TNKS1BP1: variants seen among roughly 807,000 people sequenced by gnomAD.
TNKS1BP1 encodes the protein CCR4-NOT transcription complex subunit 12.
TNKS1BP1 carries 48 observed loss-of-function variants against 141.1 expected under a neutral mutation model. The observed-to-expected ratio is 0.34, with a 90% CI of 0.27 to 0.43. The LOEUF (loss-of-function observed/expected upper bound fraction) is 0.43. Ranked by LOEUF, TNKS1BP1 falls within the 20% of genes least tolerant of loss-of-function variation. The pLI is 1.00. For synonymous variants in TNKS1BP1, 875 were observed against 898.2 expected, an observed-to-expected ratio of 0.97 and a Z score of 0.46; for missense variants, 2,149 against 2,226.0, an observed-to-expected ratio of 0.97 and a Z score of 0.70.
chr11:57,302,731 T>G lies in TNKS1BP1; in HGVS notation c.4411A>C (p.Arg1471=). The change falls in exon 7 of 12, where the codon AGG becomes CGG. Residue 1471 remains arginine (R), a synonymous_variant. Transcript: ENST00000358252. This position sits in a 1 kb window ranked among gnomAD's most constrained non-coding sequence, Gnocchi z 5.5. ...AASSSKAVAR[R]ESAASGLGGL... is the part of the protein sequence containing the mutation. The stretch of plus-strand genomic sequence containing the variant: ...CCAAGGCCCGAGGCCGCTGACTCCC[T>G]CCGAGCCACCGCCTTGGAGCTGCTG... 4 of 1,592,754 alleles carry G rather than the reference T, an allele frequency of 2.5e-6. No homozygotes were observed. The highest frequency in any genetic ancestry group is 3.4e-6 in the Non-Finnish European group (4 of 1,173,798).
At position 57,313,770 on chromosome 11, in the gene TNKS1BP1, C is replaced by T. The variant is rs374820177; in HGVS notation, c.918G>A (p.Pro306=). The T allele has an allele frequency of 4.4e-4, 704 of 1,599,140 alleles. 3 individuals carry two copies. The highest frequency in any genetic ancestry group is 1.3e-3 in the Middle Eastern group (8 of 5,990). ...GSGPGSPHLH[P]PDKSSPCHSQ... ...AGTGGCAGGGAGAACTCTTATCAGGCGGGTGAAGATGGGGAGAGCCAGGGC... is the reference window on the plus strand; with the variant it reads ...AGTGGCAGGGAGAACTCTTATCAGGTGGGTGAAGATGGGGAGAGCCAGGGC... Residue 306 remains proline (P), a synonymous_variant, in exon 5 of 12, where the codon CCG becomes CCA. Transcript: ENST00000358252.
At chr11:57,320,020 C>CCCCCCCCAGACCACCCCGCAGCCACAAAA in intron 3 of TNKS1BP1, 59 bp downstream of exon 3, 1 of 1,213,902 alleles carries the variant, frequency 8.2e-7, no homozygotes, top group Non-Finnish European at 1.2e-6. Flanking sequence ...AGCCCCCACC[C>CCCCCCCCAGACCACCCCGCAGCCACAAAA]AATCCCACCC....
At chr11:57,319,076 T>A (rs1010804539) in intron 3 of TNKS1BP1, among the ~76,000 whole-genome samples, 8 of 140,418 alleles carry the variant, frequency 5.7e-5, no homozygotes, top group Non-Finnish European at 1.1e-4. Context: ...ACCCAGGAGG[T>A]GGAGCTTGCA....
chr11:57,315,108 G>C (rs1013082457), intron 4 of TNKS1BP1, among the ~76,000 whole-genome samples: 1 of 151,976 alleles, frequency 6.6e-6, no homozygotes, highest in Non-Finnish European at 1.5e-5. Context: ...CCAGCCTCTG[G>C]TTCGTTGACC....
At chr11:57,303,134 G>A in intron 6 of TNKS1BP1, 1 of 332,378 alleles carries the variant, frequency 3.0e-6, no homozygotes, top group Non-Finnish European at 5.5e-6. Flanking sequence ...ACTTAGCACA[G>A]TCCTGGTCAG....
At chr11:57,318,916 A>T (rs1268909147) in intron 3 of TNKS1BP1, among the ~76,000 whole-genome samples, 1 of 152,198 alleles carries the variant, frequency 6.6e-6, no homozygotes, top group Admixed American at 6.5e-5. Flanking sequence ...AGGCCGAGGC[A>T]GGCAGATCAC....
rs567448519 is a variant in TNKS1BP1, at chr11:57,316,834, A to T, written c.798+984T>A. On this transcript the variant is annotated intron_variant, in intron 4 of 11. Coordinates refer to ENST00000358252, the MANE Select transcript of TNKS1BP1 (RefSeq NM_033396.3). ...CCAGGTGACTCTTCACAACTAAGAC[A>T]GCAGCATCCCATGCCTCTCCTGCAA... Among the ~76,000 whole-genome samples, 256 of 152,344 alleles carry T rather than the reference A, an allele frequency of 1.7e-3. 2 individuals carry two copies. Among genetic ancestry groups the T allele is most frequent in the African/African-American group, 6.0e-3 (248 of 41,576 alleles).
rs564315486 is a variant in TNKS1BP1, at chr11:57,322,041, G to A, written c.-65-91C>T. ...AAGTCTCCTATTTCTAACAGAGGCA[G>A]AGTGTGGGACAGGAAGAGAGAACTT... is the stretch of plus-strand genomic sequence containing the variant. On this transcript the variant is annotated intron_variant, in intron 1 of 11. Coordinates refer to ENST00000358252, the MANE Select transcript of TNKS1BP1 (RefSeq NM_033396.3). 6.0e-6 allele frequency: 5 copies of A among 837,894 alleles called. No individual in the cohort carries two copies. In the East Asian group the frequency reaches 1.9e-4, roughly 32 times the overall value. The allele number at this position is 837,894 out of a possible 1,614,324, so 51.9% of individuals were successfully genotyped here.
chr11:57,300,759 C>G, intron 10 of TNKS1BP1, 125 bp downstream of exon 10: 1 of 1,499,708 alleles, frequency 6.7e-7, no homozygotes, highest in South Asian at 1.3e-5. Flanking sequence ...TACCGTTCAT[C>G]TGGGGCATGT....
intron 6 of TNKS1BP1, among the ~76,000 whole-genome samples, chr11:57,307,440 T>C (rs952936345): frequency 1.3e-5 from 2 of 152,054 alleles, no homozygotes. Flanking sequence ...TGGGCCCATC[T>C]TCCTCTCTCC....
chr11:57,314,062 G>A (rs1374903385), intron 4 of TNKS1BP1, among the ~76,000 whole-genome samples, 173 bp from the exon 5 acceptor site: 1 of 152,174 alleles, frequency 6.6e-6, no homozygotes, highest in Non-Finnish European at 1.5e-5. Flanking sequence ...ACGACTCAAG[G>A]CAGGACTTCT....
intron 3 of TNKS1BP1, 32 bp downstream of exon 3, chr11:57,320,047 T>A: frequency 1.0e-6 from 1 of 993,886 alleles, no homozygotes; most frequent in Non-Finnish European, 1.4e-6. Context: ...ACCTCCAGGC[T>A]GCCACAAAAT....
At chr11:57,321,696 A>G (rs1027336608) in intron 2 of TNKS1BP1, 96 bp downstream of exon 2, 40 of 1,421,988 alleles carry the variant, frequency 2.8e-5, no homozygotes, top group Admixed American at 1.1e-4. Flanking sequence ...CAACAGAATC[A>G]TCACTCAACC....
At position 57,299,897 on chromosome 11, in the gene TNKS1BP1, G is replaced by A. The variant is rs1855499095; in HGVS notation, c.*197C>T. On this transcript the variant is annotated 3_prime_UTR_variant, in exon 12 of 12. Transcript: ENST00000358252. Reference sequence around the variant, plus strand: ...CTTCAACCACTAGTGATGAAATCCAGGGAAGGGAAGGTGTGGGGGGAGTTC... The same window carrying A: ...CTTCAACCACTAGTGATGAAATCCAAGGAAGGGAAGGTGTGGGGGGAGTTC... The A allele has an allele frequency of 6.5e-6, 1 of 154,826 alleles. No homozygotes were observed. The highest frequency in any genetic ancestry group is 2.4e-5 in the African/African-American group (1 of 41,518). The allele number at this position is 154,826 out of a possible 1,614,324, so 9.6% of individuals were successfully genotyped here.
intron 1 of TNKS1BP1, among the ~76,000 whole-genome samples, chr11:57,323,531 AC>A (rs1252159225): frequency 6.6e-6 from 1 of 151,822 alleles, no homozygotes; most frequent in Non-Finnish European, 1.5e-5. Context: ...CTTAAAAGGG[AC>A]CCCCAGTGCT....
In TNKS1BP1 at chr11:57,302,919, A is replaced by C; in HGVS notation, c.4317-94T>G. 1.5e-6 allele frequency: 2 copies of C among 1,371,042 alleles called. No individual in the cohort carries two copies. The highest frequency in any genetic ancestry group is 1.9e-6 in the Non-Finnish European group (2 of 1,049,170). 84.9% of individuals were successfully genotyped at this position (1,371,042 alleles called of 1,614,324 possible). ...ACAAGCTCCTTCCCCCAGCCCCCAAACTCTCCCTTGCCCTCCTTCCCATGC... is the reference window on the plus strand; with the variant it reads ...ACAAGCTCCTTCCCCCAGCCCCCAACCTCTCCCTTGCCCTCCTTCCCATGC... On this transcript the variant is annotated intron_variant, in intron 6 of 11. Transcript: ENST00000358252. The surrounding 1 kb of genome is among the most constrained non-coding windows in gnomAD (Gnocchi z 5.5).
chr11:57,324,646 C>A (rs1855939208), intron 1 of TNKS1BP1, among the ~76,000 whole-genome samples, 194 bp downstream of exon 1: 1 of 151,820 alleles, frequency 6.6e-6, no homozygotes, highest in South Asian at 2.1e-4. Flanking sequence ...CGCCTCCGCG[C>A]ACACGCGCCA....
Position 57,310,021 on chromosome 11 carries a change from T to A in TNKS1BP1, c.2690A>T (p.Tyr897Phe). ...EFGKRDSLGA[Y>F]ASQDANEQGQ... ...CTGCTCGTTGGCATCTTGGCTGGCATAAGCACCCAGAGAATCTCTCTTCCC... is the reference window on the plus strand; with the variant it reads ...CTGCTCGTTGGCATCTTGGCTGGCAAAAGCACCCAGAGAATCTCTCTTCCC... The change falls in exon 6 of 12, where the codon TAT becomes TTT. Residue 897 changes from tyrosine to phenylalanine, a missense_variant. Tyr to Phe is a conservative substitution (Grantham distance 22). Transcript: ENST00000358252. 1 of 1,614,160 alleles carries A rather than the reference T, an allele frequency of 6.2e-7. No homozygotes were observed.
chr11:57,321,945 G>A lies in TNKS1BP1; in HGVS notation c.-60C>T. On this transcript the variant is annotated 5_prime_UTR_variant, in exon 2 of 12. Transcript: ENST00000358252. Reference sequence around the variant, plus strand: ...CAGAGAGGTATGAGCTGGGGTGGCTGCAGACCTAGGAAAAGAGAGAGAAGA... The same window carrying A: ...CAGAGAGGTATGAGCTGGGGTGGCTACAGACCTAGGAAAAGAGAGAGAAGA... The A allele has an allele frequency of 1.9e-6, 3 of 1,596,994 alleles. No homozygotes were observed. Among genetic ancestry groups the A allele is most frequent in the Non-Finnish European group, 2.6e-6 (3 of 1,172,434 alleles).
Sources: allele counts gnomAD v4.1 joint callset (sites outside exome capture counted in the v4.1 genomes callset), GRCh38; gene constraint gnomAD v4.1.1; non-coding constraint Gnocchi (gnomAD v3.1); transcripts MANE v1.5; gene names NCBI Gene and HGNC (gene_info 2026-07-23, HGNC 2026-07-21).